Variants in IMPACT observed in about 807,000 individuals in gnomAD.
The protein encoded by IMPACT is impact RWD domain protein, also known as protein IMPACT.
A neutral mutation model predicts 47.5 loss-of-function variants in IMPACT; 35 were observed. That is an observed-to-expected ratio of 0.74 (90% CI 0.56 to 0.98). IMPACT has a LOEUF of 0.98. Among genes scored for constraint, IMPACT ranks in the 50% least tolerant of loss-of-function variants. The pLI, the probability that IMPACT is intolerant of heterozygous loss-of-function variation, is 0.00. For synonymous variants in IMPACT, 118 were observed against 125.6 expected (o/e 0.94, Z 0.40); for missense variants, 373 against 394.8 (o/e 0.94, Z 0.47).
chr18:24,440,580 T>G lies in IMPACT; in HGVS notation c.452T>G (p.Leu151Arg), dbSNP rs1266971912. 2.5e-6 allele frequency: 4 copies of G among 1,613,278 alleles called. No homozygotes were observed. Among genetic ancestry groups the G allele is most frequent in the Non-Finnish European group, 3.4e-6 (4 of 1,179,592 alleles). ...LILACQPESS[L>R]KALDFDISET... ...TTAGCATGTCAGCCGGAAAGTTCGC[T>G]TAAAGCATTGGATTTTGATATCAGT... Residue 151 changes from leucine to arginine, a missense_variant, in exon 6 of 11, where the codon CTT becomes CGT. Physicochemically the swap from Leu to Arg is moderately radical, Grantham distance 102. Transcript: ENST00000284202.
intron 4 of IMPACT, among the ~76,000 whole-genome samples, chr18:24,432,901 A>G (rs1908793598): frequency 6.6e-6 from 1 of 152,118 alleles, no homozygotes; most frequent in African/African-American, 2.4e-5. Flanking sequence ...TTACCCATGT[A>G]CAATGTCATA....
chr18:24,443,699 C>T (rs1180319834), intron 7 of IMPACT, among the ~76,000 whole-genome samples: 1 of 152,152 alleles, frequency 6.6e-6, no homozygotes, highest in East Asian at 1.9e-4. Context: ...TAAACCAAGT[C>T]CTCCCTACCT....
chr18:24,431,858 C>T (rs778624442), intron 4 of IMPACT, among the ~76,000 whole-genome samples: 8 of 152,080 alleles, frequency 5.3e-5, no homozygotes, highest in African/African-American at 9.7e-5. Context: ...CCCGCCACCA[C>T]GCACAGCCAA....
At chr18:24,448,271 C>A in intron 9 of IMPACT, 88 bp downstream of exon 9, 3 of 745,582 alleles carry the variant, frequency 4.0e-6, no homozygotes, top group South Asian at 3.5e-5. Context: ...ATAGCTAAGT[C>A]AGTTGAACTA....
chr18:24,433,839 T>C (rs1481252846), intron 4 of IMPACT, among the ~76,000 whole-genome samples: 1 of 151,754 alleles, frequency 6.6e-6, no homozygotes, highest in Non-Finnish European at 1.5e-5. Flanking sequence ...CCTGGCTAAT[T>C]TTTGTATTTT....
intron 4 of IMPACT, among the ~76,000 whole-genome samples, chr18:24,433,398 A>C (rs921400204): frequency 8.3e-5 from 12 of 145,002 alleles, no homozygotes; most frequent in African/African-American, 2.3e-4. Context: ...ACGGGGTTTC[A>C]CCTTGTTAGC....
chr18:24,429,025 T>C, intron 3 of IMPACT, 104 bp downstream of exon 3: 1 of 680,572 alleles, frequency 1.5e-6, no homozygotes, highest in Non-Finnish European at 2.4e-6. Context: ...TATTAACATG[T>C]ATATAGAAAT....
chr18:24,426,940 T>G, intron 1 of IMPACT, 148 bp downstream of exon 1: 1 of 515,928 alleles, frequency 1.9e-6, no homozygotes, highest in Admixed American at 4.4e-5. Context: ...GCGTTCCATT[T>G]TCCCGGCGCT....
intron 4 of IMPACT, 108 bp from the exon 5 acceptor site, chr18:24,437,847 T>C: frequency 1.6e-6 from 1 of 627,846 alleles, no homozygotes; most frequent in Non-Finnish European, 2.8e-6. Context: ...AAAAAAGAAA[T>C]GGTTAGATTG....
At chr18:24,439,890 TTCTC>T (rs1187342005) in intron 5 of IMPACT, among the ~76,000 whole-genome samples, 1 of 152,164 alleles carries the variant, frequency 6.6e-6, no homozygotes, top group African/African-American at 2.4e-5. Context: ...GTCACTGTCT[TTCTC>T]TTTGTAGCTT....
At chr18:24,432,748 C>T (rs1167628131) in intron 4 of IMPACT, among the ~76,000 whole-genome samples, 2 of 151,824 alleles carry the variant, frequency 1.3e-5, no homozygotes, top group Non-Finnish European at 2.9e-5. Flanking sequence ...GATTTGTTCA[C>T]CATTAACACC....
chr18:24,433,501 CTT>C (rs34057767), intron 4 of IMPACT, among the ~76,000 whole-genome samples: 1 of 142,828 alleles, frequency 7.0e-6, no homozygotes. Context: ...GCCCGGCCAA[CTT>C]TTTTTTTTTT....
chr18:24,438,146 G>T, intron 5 of IMPACT, 106 bp downstream of exon 5: 2 of 588,868 alleles, frequency 3.4e-6, no homozygotes, highest in South Asian at 2.5e-5. Flanking sequence ...TCTGGTTTAT[G>T]GTTTGTATAT....
rs1398070656 is a variant in IMPACT at position 24,449,943 on chromosome 18, C to T, written c.884C>T (p.Thr295Ile). 6.2e-7 allele frequency: 1 copy of T among 1,614,018 alleles called. No homozygotes were observed. Among genetic ancestry groups the T allele is most frequent in the South Asian group, 1.1e-5 (1 of 91,084 alleles). Reference sequence around the variant, plus strand: ...AACATACTAGTGGAAAAGAACTACACAAATTCACCTGTAAGTGGCTCTTCG... The same window carrying T: ...AACATACTAGTGGAAAAGAACTACATAAATTCACCTGTAAGTGGCTCTTCG... ...ARNILVEKNY[T>I]NSPEESSKAL... The change falls in exon 10 of 11, where the codon ACA becomes ATA. Residue 295 changes from threonine to isoleucine, a missense_variant. Transcript: ENST00000284202.
intron 4 of IMPACT, among the ~76,000 whole-genome samples, chr18:24,436,762 G>T (rs955412682): frequency 6.6e-6 from 1 of 152,018 alleles, no homozygotes; most frequent in Non-Finnish European, 1.5e-5. Flanking sequence ...AGTTGCCCAG[G>T]CTGGTCTCGA....
chr18:24,440,807 A>G (rs1909089499), intron 6 of IMPACT, among the ~76,000 whole-genome samples, 189 bp downstream of exon 6: 1 of 152,238 alleles, frequency 6.6e-6, no homozygotes, highest in African/African-American at 2.4e-5. Flanking sequence ...CAGAATGGCA[A>G]GGAAAAAATG....
intron 2 of IMPACT, 86 bp from the exon 3 acceptor site, chr18:24,428,783 T>C: frequency 9.6e-7 from 1 of 1,042,098 alleles, no homozygotes; most frequent in East Asian, 2.6e-5. Flanking sequence ...CTCCTTGCCT[T>C]TTTTGTCCAG....
rs1289012370 is a variant in IMPACT, at chr18:24,434,806, T to C, written c.282-3149T>C. 2.7e-5 allele frequency among the ~76,000 whole-genome samples: 4 copies of C among 146,282 alleles called. No individual in the cohort carries two copies. The South Asian group carries it at 8.6e-4, about 31-fold the overall frequency. ...ATATATATATATATATGTGTGTGTG[T>C]GTGTATATATATGTGTATTATATAA... On this transcript the variant is annotated intron_variant, in intron 4 of 10. Coordinates refer to ENST00000284202, the MANE Select transcript of IMPACT (RefSeq NM_018439.4).
At chr18:24,444,354 A>G (rs648171) in intron 7 of IMPACT, among the ~76,000 whole-genome samples, 19,044 of 152,198 alleles carry the variant, frequency 0.13, 1,476 homozygotes, top group Non-Finnish European at 0.16. Context: ...AGATTATAAA[A>G]TGATAAACAG....
Sources: allele counts gnomAD v4.1 joint callset (sites outside exome capture counted in the v4.1 genomes callset), GRCh38; gene constraint gnomAD v4.1.1; transcripts MANE v1.5; gene names NCBI Gene and HGNC (gene_info 2026-07-23, HGNC 2026-07-21).